SEC24D: variants seen among roughly 807,000 people sequenced by gnomAD.
SEC24D encodes protein transport protein Sec24D.
A neutral mutation model predicts 116.9 loss-of-function variants in SEC24D; 69 were observed. The observed-to-expected ratio is 0.59, with a 90% CI of 0.49 to 0.72. The LOEUF is 0.72. Among genes scored for constraint, SEC24D ranks in the 30% least tolerant of loss-of-function variants. The pLI, the probability that SEC24D is intolerant of heterozygous loss-of-function variation, is 0.00. For missense variants in SEC24D, 1,131 were observed against 1,264.1 expected, an observed-to-expected ratio of 0.89 and a Z score of 1.60; for synonymous variants, 405 against 442.8, an observed-to-expected ratio of 0.91 and a Z score of 1.07.
intron 8 of SEC24D, among the ~76,000 whole-genome samples, chr4:118,784,417 CA>C (rs1389430057): frequency 6.6e-6 from 1 of 151,926 alleles, no homozygotes; most frequent in Non-Finnish European, 1.5e-5. Flanking sequence ...AAGAATTTTT[CA>C]AAACTTTTCA....
At chr4:118,769,101 G>T (rs1053327943) in intron 8 of SEC24D, among the ~76,000 whole-genome samples, 1 of 152,186 alleles carries the variant, frequency 6.6e-6, no homozygotes, top group Admixed American at 6.5e-5. Flanking sequence ...CTTCAAAAAT[G>T]CAGCTATTTG....
intron 6 of SEC24D, among the ~76,000 whole-genome samples, chr4:118,808,552 C>T (rs554710071): frequency 5.9e-5 from 9 of 152,122 alleles, no homozygotes; most frequent in South Asian, 2.1e-4. Flanking sequence ...AGATTAAAGT[C>T]GTTCTGATAA....
intron 10 of SEC24D, 90 bp downstream of exon 10, chr4:118,764,712 G>T (rs757644997): frequency 2.7e-6 from 2 of 736,250 alleles, no homozygotes; most frequent in Non-Finnish European, 4.6e-6. Flanking sequence ...TGCTTTGTTT[G>T]TGAATCAAGA....
intron 10 of SEC24D, among the ~76,000 whole-genome samples, chr4:118,763,396 T>C (rs1727480677): frequency 7.2e-6 from 1 of 138,368 alleles, no homozygotes; most frequent in African/African-American, 2.4e-5. Context: ...AGGAAAAATG[T>C]TCATTATCAT....
Position 118,810,120 on chromosome 4 carries a change from G to GTT in SEC24D, c.802-4167_802-4166insAA, listed in dbSNP as rs1363448359. ...TGTGTGTGTGTGTGTGTGTGTGTGTGTGTGTGTGTGTGTGTGTCAGAGGGT... is the reference window on the plus strand; with the variant it reads ...TGTGTGTGTGTGTGTGTGTGTGTGTGTTTGTGTGTGTGTGTGTGTCAGAGGGT... On this transcript the variant is annotated intron_variant, in intron 6 of 22. Transcript: ENST00000280551. 1.4e-3 allele frequency among the ~76,000 whole-genome samples: 206 copies of GTT among 145,062 alleles called. 2 individuals are homozygous for GTT. The highest frequency in any genetic ancestry group is 5.2e-3 in the African/African-American group (196 of 37,990).
At chr4:118,748,707 T>A (rs1483255296) in intron 13 of SEC24D, among the ~76,000 whole-genome samples, 2 of 152,052 alleles carry the variant, frequency 1.3e-5, no homozygotes, top group Non-Finnish European at 2.9e-5. Flanking sequence ...CTTTTTTTTT[T>A]AATAGAAAAG....
intron 3 of SEC24D, among the ~76,000 whole-genome samples, chr4:118,822,063 G>A (rs966351701): frequency 3.3e-5 from 5 of 152,122 alleles, no homozygotes; most frequent in African/African-American, 9.7e-5. Context: ...GATTGAGCTC[G>A]AAGGACAGAC....
intron 10 of SEC24D, chr4:118,758,361 A>G (rs1174285424): frequency 6.6e-6 from 1 of 152,238 alleles, no homozygotes; most frequent in Non-Finnish European, 1.5e-5. Context: ...ATTGTGTATG[A>G]AAATATAACT....
At chr4:118,786,069 G>T (rs980511381) in intron 8 of SEC24D, among the ~76,000 whole-genome samples, 1 of 152,020 alleles carries the variant, frequency 6.6e-6, no homozygotes, top group East Asian at 1.9e-4. Context: ...AAGAAATAAG[G>T]CTCAAAAAAG....
chr4:118,752,896 G>GA lies in SEC24D; in HGVS notation c.1422-9dup, dbSNP rs71595318. ...GTCTCTTCTTGCTCTTCCCTGTAAG[G>GA]AAAAAAAAAAGTGTTTGAGATGCTT... On this transcript the variant is annotated splice_polypyrimidine_tract_variant and intron_variant, in intron 11 of 22. Coordinates refer to ENST00000280551, the MANE Select transcript of SEC24D (RefSeq NM_014822.4). The GA allele has an allele frequency of 0.32, 438,491 of 1,381,826 alleles. 41,378 individuals carry two copies. The highest frequency in any genetic ancestry group is 0.34 in the Non-Finnish European group (348,673 of 1,036,662). 85.6% of individuals were successfully genotyped at this position (1,381,826 alleles called of 1,614,324 possible).
At chr4:118,731,940 C>CTA (rs1227270891) in intron 20 of SEC24D, among the ~76,000 whole-genome samples, 2 of 150,758 alleles carry the variant, frequency 1.3e-5, no homozygotes, top group Non-Finnish European at 3.0e-5. Flanking sequence ...TGCACTGGTC[C>CTA]TAAAGCAAGG....
intron 2 of SEC24D, among the ~76,000 whole-genome samples, chr4:118,832,179 G>A (rs1257247363): frequency 6.6e-6 from 1 of 152,166 alleles, no homozygotes; most frequent in East Asian, 1.9e-4. Context: ...AGGTTGCAGT[G>A]AGCTGAGATC....
chr4:118,798,778 A>G (rs1031703883), intron 7 of SEC24D, among the ~76,000 whole-genome samples: 1 of 152,230 alleles, frequency 6.6e-6, no homozygotes. Flanking sequence ...TTTAAAAGGT[A>G]ACATCTGAGC....
chr4:118,790,131 A>G (rs935605079), intron 8 of SEC24D, among the ~76,000 whole-genome samples: 8 of 152,180 alleles, frequency 5.3e-5, no homozygotes, highest in Non-Finnish European at 8.8e-5. Context: ...CAGAGTAAGG[A>G]GGGGATTAAA....
At chr4:118,792,270 TG>T (rs1486219143) in intron 8 of SEC24D, among the ~76,000 whole-genome samples, 3 of 142,636 alleles carry the variant, frequency 2.1e-5, no homozygotes, top group African/African-American at 8.0e-5. Flanking sequence ...GTCCGGGAGG[TG>T]GGGGGCAGCC....
intron 7 of SEC24D, among the ~76,000 whole-genome samples, chr4:118,804,885 T>TACACACACACAC (rs71954957): frequency 0.035 from 4,912 of 140,912 alleles, 90 homozygotes; most frequent in Non-Finnish European, 0.048. Context: ...TATGCATGCA[T>TACACACACACAC]ACACACACAC....
intron 6 of SEC24D, among the ~76,000 whole-genome samples, chr4:118,811,133 G>A (rs1403723715): frequency 6.6e-6 from 1 of 152,206 alleles, no homozygotes; most frequent in Non-Finnish European, 1.5e-5. Context: ...GATCAGGAGA[G>A]AGTGGGAGGA....
chr4:118,830,603 TTA>T (rs56318939), intron 2 of SEC24D, among the ~76,000 whole-genome samples: 8 of 151,844 alleles, frequency 5.3e-5, no homozygotes, highest in East Asian at 1.9e-4. Context: ...ATGTTGTACA[TTA>T]TATATATATG....
intron 10 of SEC24D, among the ~76,000 whole-genome samples, chr4:118,761,802 A>G (rs1463914409): frequency 6.6e-6 from 1 of 152,196 alleles, no homozygotes; most frequent in Non-Finnish European, 1.5e-5. Flanking sequence ...CCTAGTTGTC[A>G]TGTCCAGGCT....
Sources: allele counts gnomAD v4.1 joint callset (sites outside exome capture counted in the v4.1 genomes callset), GRCh38; gene constraint gnomAD v4.1.1; transcripts MANE v1.5; gene names NCBI Gene and HGNC (gene_info 2026-07-23, HGNC 2026-07-21).